The following DDHD1 variants were observed in gnomAD, a reference collection of about 807,000 sequenced individuals.
DDHD1 encodes phospholipase DDHD1.
DDHD1 carries 49 observed loss-of-function variants against 96.4 expected under a neutral mutation model. That is an observed-to-expected ratio of 0.51 (90% confidence interval 0.40 to 0.64). The LOEUF is 0.64. Among genes scored for constraint, DDHD1 ranks in the 30% least tolerant of loss-of-function variants. DDHD1 has a pLI of 0.00. For missense variants in DDHD1, 1,106 were observed against 1,161.2 expected, an observed-to-expected ratio of 0.95 and a Z score of 0.69; for synonymous variants, 442 against 446.5, an observed-to-expected ratio of 0.99 and a Z score of 0.13.
intron 3 of DDHD1, chr14:53,093,035 T>A (rs924969627): frequency 1.0e-5 from 2 of 200,022 alleles, no homozygotes; most frequent in African/African-American, 4.7e-5. Context: ...TGACACTATA[T>A]TTCAACTGCC....
chr14:53,101,607 AT>A (rs1306235816), intron 2 of DDHD1, among the ~76,000 whole-genome samples: 1 of 152,070 alleles, frequency 6.6e-6, no homozygotes, highest in Non-Finnish European at 1.5e-5. Flanking sequence ...ATAACAAAAA[AT>A]ATTACGATAT....
intron 12 of DDHD1, 106 bp from the exon 13 acceptor site, chr14:53,047,055 C>T (rs1882073542): frequency 1.2e-6 from 1 of 844,174 alleles, no homozygotes; most frequent in Non-Finnish European, 1.7e-6. Flanking sequence ...AGAAGTGATT[C>T]TGTCACTTTT....
chr14:53,080,078 T>A (rs1885328104), intron 4 of DDHD1, among the ~76,000 whole-genome samples: 2 of 152,208 alleles, frequency 1.3e-5, no homozygotes, highest in Admixed American at 1.3e-4. Context: ...AAATGACATC[T>A]GTTTGGGTGC....
At chr14:53,047,772 C>G (rs1882150198) in intron 12 of DDHD1, among the ~76,000 whole-genome samples, 1 of 152,152 alleles carries the variant, frequency 6.6e-6, no homozygotes, top group Non-Finnish European at 1.5e-5. Context: ...AATCAAGGCT[C>G]TAAAATAATT....
rs1394575634 is a variant in DDHD1 at position 53,037,532 on chromosome 14, C to T, written c.*9236G>A. On this transcript the variant is annotated 3_prime_UTR_variant, in exon 13 of 13. Transcript: ENST00000673822. ...AGCATTTTTTCACGTTTGTTGATTG[C>T]TTGTATGTCTTCTTTTGAGAAGTGT... 6.6e-6 allele frequency: 1 copy of T among 152,050 alleles called. No individual in the cohort carries two copies. Among genetic ancestry groups the T allele is most frequent in the Non-Finnish European group, 1.5e-5 (1 of 67,990 alleles). 9.4% of individuals were successfully genotyped at this position (152,050 alleles called of 1,614,324 possible).
intron 1 of DDHD1, among the ~76,000 whole-genome samples, chr14:53,107,462 T>G (rs1887772567): frequency 6.6e-6 from 1 of 152,040 alleles, no homozygotes; most frequent in African/African-American, 2.4e-5. Flanking sequence ...GGCTGGAGAC[T>G]TCATCACACC....
intron 2 of DDHD1, among the ~76,000 whole-genome samples, chr14:53,096,614 T>C (rs1420362425): frequency 6.6e-6 from 1 of 152,026 alleles, no homozygotes; most frequent in Non-Finnish European, 1.5e-5. Context: ...ATGTACAAAT[T>C]GAAAATGCAA....
At chr14:53,084,443 T>C (rs568875950) in intron 4 of DDHD1, among the ~76,000 whole-genome samples, 19 of 152,304 alleles carry the variant, frequency 1.2e-4, no homozygotes, top group Admixed American at 9.8e-4. Context: ...GTAAACCTAG[T>C]TCTCAGGTTC....
chr14:53,152,116 CCCT>C lies in DDHD1; in HGVS notation c.838+142_838+144del. Reference sequence around the variant, plus strand: ...CGTTTACCCTTCAGCTGCCGACGCTCCCTGCTCAATCTCCATCCTGCCCCAGCC... The same window carrying C: ...CGTTTACCCTTCAGCTGCCGACGCTCGCTCAATCTCCATCCTGCCCCAGCC... On this transcript the variant is annotated intron_variant, in intron 1 of 12. Transcript: ENST00000673822. 5 of 806,626 alleles carry C rather than the reference CCCT, an allele frequency of 6.2e-6. No individual in the cohort carries two copies. The South Asian group carries it at 7.1e-5, about 11-fold the overall frequency. The allele number at this position is 806,626 out of a possible 1,614,324, so 50.0% of individuals were successfully genotyped here.
In DDHD1 at chr14:53,089,801, A is replaced by C. The variant is rs184593788; in HGVS notation, c.1289+1984T>G. Among the ~76,000 whole-genome samples, 3 of 152,320 alleles carry C rather than the reference A, an allele frequency of 2.0e-5. No individual in the cohort carries two copies. In the East Asian group the frequency reaches 5.8e-4, roughly 29 times the overall value. On this transcript the variant is annotated intron_variant, in intron 4 of 12. Transcript: ENST00000673822. ...GGACATAGGCATGGGCAAAGACTTC[A>C]TGTCTAAAACACCAAAGACTTCATG...
In DDHD1 at chr14:53,115,719, TGAAG is replaced by T. The variant is rs1261179242; in HGVS notation, c.839-11867_839-11864del. Among the ~76,000 whole-genome samples, 10 of 151,884 alleles carry T rather than the reference TGAAG, an allele frequency of 6.6e-5. No homozygotes were observed. In the East Asian group the frequency reaches 7.7e-4, roughly 12 times the overall value. On this transcript the variant is annotated intron_variant, in intron 1 of 12. Transcript: ENST00000673822. ...ACCAAGCCTGCCTTACAAGAACTCC[TGAAG>T]GAAGCACTAAATATGGAAAGGAAAA...
At chr14:53,098,951 T>C (rs759552249) in intron 2 of DDHD1, among the ~76,000 whole-genome samples, 6 of 152,090 alleles carry the variant, frequency 3.9e-5, no homozygotes, top group Non-Finnish European at 8.8e-5. Context: ...AACTGGAGTA[T>C]TAATTATCTT....
intron 1 of DDHD1, among the ~76,000 whole-genome samples, chr14:53,105,572 T>A (rs1239989900): frequency 6.6e-6 from 1 of 152,202 alleles, no homozygotes; most frequent in South Asian, 2.1e-4. Context: ...AGTTTTTGCC[T>A]GGATTCTACT....
intron 4 of DDHD1, among the ~76,000 whole-genome samples, chr14:53,081,287 T>A (rs1345151148): frequency 6.6e-6 from 1 of 152,248 alleles, no homozygotes; most frequent in African/African-American, 2.4e-5. Flanking sequence ...TCTTTTCAAA[T>A]GTTCAGTTTT....
In DDHD1 at chr14:53,113,211, G is replaced by T. The variant is rs566071394; in HGVS notation, c.839-9355C>A. ...CAAAACTCCTGACCTCAAGTGATCT[G>T]CCTGCTTCGGCCTCCCAAAGTGCTG... On this transcript the variant is annotated intron_variant, in intron 1 of 12. Coordinates refer to ENST00000673822, the MANE Select transcript of DDHD1 (RefSeq NM_001160148.2). 9.9e-5 allele frequency among the ~76,000 whole-genome samples: 15 copies of T among 151,808 alleles called. No individual in the cohort carries two copies. The East Asian group carries it at 2.9e-3, about 29-fold the overall frequency.
rs1163860948 is a variant in DDHD1 at position 53,046,667 on chromosome 14, C to T, written c.*101G>A. 1 of 764,050 alleles carries T rather than the reference C, an allele frequency of 1.3e-6. No homozygotes were observed. Among genetic ancestry groups the T allele is most frequent in the East Asian group, 3.0e-5 (1 of 32,918 alleles). The allele number at this position is 764,050 out of a possible 1,614,324, so 47.3% of individuals were successfully genotyped here. A position where few individuals can be genotyped will look rare whatever the true frequency, so the allele number is the denominator to read the frequency against. On this transcript the variant is annotated 3_prime_UTR_variant, in exon 13 of 13. Transcript: ENST00000673822. ...CAAATATATGTTGCCCTAAAGAAAA[C>T]TGAAATATACTTTAACCCTGAAATC... is the stretch of plus-strand genomic sequence containing the variant.
At chr14:53,048,993 T>C (rs1337977249) in intron 12 of DDHD1, 1 of 152,244 alleles carries the variant, frequency 6.6e-6, no homozygotes, top group Non-Finnish European at 1.5e-5. Context: ...CACTCTTTAG[T>C]TACAATTCTG....
intron 4 of DDHD1, among the ~76,000 whole-genome samples, chr14:53,079,362 G>A (rs919234662): frequency 2.6e-5 from 4 of 151,894 alleles, no homozygotes; most frequent in African/African-American, 4.8e-5. Flanking sequence ...CACTGGAACC[G>A]ACATGTACTA....
chr14:53,094,077 T>A (rs1886668638), intron 2 of DDHD1, among the ~76,000 whole-genome samples: 2 of 151,910 alleles, frequency 1.3e-5, no homozygotes, highest in South Asian at 4.2e-4. Context: ...CTCAGGAGGC[T>A]GAGGCAGGAG....
Sources: allele counts gnomAD v4.1 joint callset (sites outside exome capture counted in the v4.1 genomes callset), GRCh38; gene constraint gnomAD v4.1.1; transcripts MANE v1.5; gene names NCBI Gene and HGNC (gene_info 2026-07-23, HGNC 2026-07-21).